COG6: variants seen among roughly 807,000 people sequenced by gnomAD.
The protein encoded by COG6 is conserved oligomeric Golgi complex subunit 6.
Under a neutral mutation model 88.8 loss-of-function variants are expected in COG6, and 74 were observed. The observed-to-expected ratio is 0.83, with a 90% confidence interval of 0.69 to 1.01. COG6 has a LOEUF of 1.01. Among genes scored for constraint, COG6 ranks in the 50% least tolerant of loss-of-function variants. The probability of loss-of-function intolerance (pLI) is 0.00; values close to 1 mark genes in which losing one functional copy is unlikely to be tolerated. For synonymous variants in COG6, 286 were observed against 278.7 expected (o/e 1.03, Z -0.26); for missense variants, 800 against 797.9 (o/e 1.00, Z -0.03).
chr13:39,790,516 A>G lies in COG6; in HGVS notation c.*2160A>G, dbSNP rs143084957. 3.3e-5 allele frequency: 5 copies of G among 152,218 alleles called. No individual in the cohort carries two copies. The East Asian group carries it at 9.6e-4, about 29-fold the overall frequency. 9.4% of individuals were successfully genotyped at this position (152,218 alleles called of 1,614,324 possible). The stretch of plus-strand genomic sequence containing the variant: ...TAATGTAACTTTTCAATATGTTTTA[A>G]TATCTCATAGATACTGTTCTTCCTC... On this transcript the variant is annotated 3_prime_UTR_variant, in exon 19 of 19. Coordinates refer to the COG6 transcript ENST00000416691.
rs183471440 is a variant in COG6, at chr13:39,715,101, C to T, written c.1285-4135C>T. On this transcript the variant is annotated intron_variant, in intron 13 of 18. Coordinates refer to ENST00000455146, the MANE Select transcript of COG6 (RefSeq NM_020751.3). Reference sequence around the variant, plus strand: ...GGGATGAAAAATTACATATTGGGCACGATATACACTACTTGGATGATGGGT... The same window carrying T: ...GGGATGAAAAATTACATATTGGGCATGATATACACTACTTGGATGATGGGT... 2.5e-4 allele frequency among the ~76,000 whole-genome samples: 38 copies of T among 151,986 alleles called. 1 individual carries two copies. The highest frequency in any genetic ancestry group is 9.2e-4 in the Admixed American group (14 of 15,236).
intron 14 of COG6, 28 bp downstream of exon 14, chr13:39,719,395 TG>T (rs1878723156): frequency 1.2e-6 from 2 of 1,604,502 alleles, no homozygotes; most frequent in African/African-American, 1.3e-5. Flanking sequence ...TTTTAATGAT[TG>T]TTTTTTGCTC....
chr13:39,701,385 G>T (rs1718416349), intron 13 of COG6, among the ~76,000 whole-genome samples: 1 of 151,900 alleles, frequency 6.6e-6, no homozygotes, highest in Admixed American at 6.6e-5. Flanking sequence ...TTTGGATTTA[G>T]AGAGTTTTAC....
At chr13:39,732,814 G>GA in intron 18 of COG6, among the ~76,000 whole-genome samples, 1 of 152,222 alleles carries the variant, frequency 6.6e-6, no homozygotes, top group South Asian at 2.1e-4. Flanking sequence ...AATTGAAGCA[G>GA]AAAAATTTGA....
intron 13 of COG6, among the ~76,000 whole-genome samples, chr13:39,705,478 C>G (rs746411124): frequency 3.3e-5 from 5 of 152,010 alleles, no homozygotes; most frequent in Non-Finnish European, 5.9e-5. Context: ...AGAGAATATG[C>G]ATCTATACTG....
At chr13:39,744,633 A>G (rs1880236453) in intron 18 of COG6, among the ~76,000 whole-genome samples, 1 of 152,236 alleles carries the variant, frequency 6.6e-6, no homozygotes, top group Non-Finnish European at 1.5e-5. Flanking sequence ...AGAACATTTC[A>G]TGCTCATAGA....
rs1419682481 is a variant in COG6, at chr13:39,751,837, G to A, written c.*744G>A. ...CAAGGTGGAGCTCAGCCTTTCCAAT[G>A]AGCTCTAAGCATGTAGATAGCCTGA... On this transcript the variant is annotated 3_prime_UTR_variant, in exon 19 of 19. Transcript: ENST00000455146. The A allele has an allele frequency of 3.9e-6, 5 of 1,287,174 alleles. No homozygotes were observed. The highest frequency in any genetic ancestry group is 5.1e-6 in the Non-Finnish European group (5 of 988,666). The allele number at this position is 1,287,174 out of a possible 1,614,324, so 79.7% of individuals were successfully genotyped here.
chr13:39,713,533 A>G (rs1236691535), intron 13 of COG6, among the ~76,000 whole-genome samples: 1 of 152,194 alleles, frequency 6.6e-6, no homozygotes, highest in African/African-American at 2.4e-5. Flanking sequence ...CAAGAGATCA[A>G]AACCATCCTG....
intron 7 of COG6, 152 bp downstream of exon 7, chr13:39,680,197 A>T (rs1876227270): frequency 1.7e-6 from 1 of 593,460 alleles, no homozygotes; most frequent in Admixed American, 3.1e-5. Flanking sequence ...TTAAATTTTT[A>T]CTTGGTCTTT....
In COG6 at chr13:39,751,368, G is replaced by A. The variant is rs1880621937; in HGVS notation, c.*275G>A. ...GCTCTGCAGTTTTCACTGTATTCAG[G>A]AAGCATAAAGTAGTATGAAAGGTTT... is the stretch of plus-strand genomic sequence containing the variant. On this transcript the variant is annotated 3_prime_UTR_variant, in exon 19 of 19. Transcript: ENST00000455146. 7.1e-7 allele frequency: 1 copy of A among 1,406,748 alleles called. No homozygotes were observed. The highest frequency in any genetic ancestry group is 9.4e-7 in the Non-Finnish European group (1 of 1,068,652). 87.1% of individuals were successfully genotyped at this position (1,406,748 alleles called of 1,614,324 possible).
chr13:39,772,134 T>TA (rs1409029766), intron 18 of COG6, among the ~76,000 whole-genome samples: 2 of 152,192 alleles, frequency 1.3e-5, no homozygotes, highest in Non-Finnish European at 2.9e-5. Context: ...TATCGGAAGA[T>TA]ATGTGTTCTC....
At chr13:39,685,204 A>G (rs1187650564) in intron 8 of COG6, among the ~76,000 whole-genome samples, 1 of 152,148 alleles carries the variant, frequency 6.6e-6, no homozygotes, top group African/African-American at 2.4e-5. Flanking sequence ...AACTTGAGGT[A>G]TTTGAGAATA....
In COG6 at chr13:39,660,873, C is replaced by T. The variant is rs775668471; in HGVS notation, c.361C>T (p.Arg121Cys). ...CAACTGTTGTCAAGATATGACAAGT[C>T]GCCTACAGGTATTATATAATGGCTA... ...MSNCCQDMTS[R>C]LQAAKEQTQD... The change falls in exon 3 of 19, where the codon CGC (arginine) becomes TGC (cysteine). Residue 121 changes from arginine to cysteine, a missense_variant. Coordinates refer to ENST00000455146, the MANE Select transcript of COG6 (RefSeq NM_020751.3). The T allele has an allele frequency of 3.8e-5, 61 of 1,588,380 alleles. No homozygotes were observed. The highest frequency in any genetic ancestry group is 4.8e-5 in the Non-Finnish European group (56 of 1,157,758).
At chr13:39,757,880 C>T (rs1289682891) in intron 18 of COG6, among the ~76,000 whole-genome samples, 1 of 152,134 alleles carries the variant, frequency 6.6e-6, no homozygotes, top group Non-Finnish European at 1.5e-5. Flanking sequence ...CCGTATTGCT[C>T]AAGGATCGGC....
chr13:39,779,258 G>A (rs1056793012), intron 18 of COG6, among the ~76,000 whole-genome samples: 2 of 152,030 alleles, frequency 1.3e-5, no homozygotes, highest in African/African-American at 4.8e-5. Flanking sequence ...AGTAAGATTA[G>A]CAATGATGCT....
At chr13:39,676,353 C>T (rs1226110084) in intron 4 of COG6, among the ~76,000 whole-genome samples, 1 of 151,820 alleles carries the variant, frequency 6.6e-6, no homozygotes, top group Non-Finnish European at 1.5e-5. Context: ...TGAATAAGAC[C>T]TCAAAAGCAC....
chr13:39,692,925 C>G (rs1269639779), intron 11 of COG6, among the ~76,000 whole-genome samples: 1 of 152,072 alleles, frequency 6.6e-6, no homozygotes, highest in African/African-American at 2.4e-5. Flanking sequence ...TTTCCCTCCA[C>G]TGTCATCACA....
At chr13:39,722,178 C>T (rs552092474) in intron 15 of COG6, among the ~76,000 whole-genome samples, 7 of 151,474 alleles carry the variant, frequency 4.6e-5, no homozygotes, top group African/African-American at 7.3e-5. Flanking sequence ...TCTTTCAGAC[C>T]GCTGATTTGA....
At chr13:39,728,809 C>T (rs1879280584) in intron 18 of COG6, among the ~76,000 whole-genome samples, 1 of 151,780 alleles carries the variant, frequency 6.6e-6, no homozygotes, top group Non-Finnish European at 1.5e-5. Context: ...GGAGTACAGG[C>T]GCCCACCTCC....
Sources: gnomAD v4.1 joint callset for allele counts (sites outside exome capture counted in the v4.1 genomes callset) on GRCh38, gnomAD v4.1.1 for gene constraint, MANE v1.5 for transcripts, NCBI Gene and HGNC (gene_info 2026-07-23, HGNC 2026-07-21) for gene names.